The following SMARCA2 variants were observed in gnomAD, a reference collection of about 807,000 sequenced individuals.
SMARCA2 encodes the protein SWI/SNF-related matrix-associated actin-dependent regulator of chromatin subfamily A member 2.
A neutral mutation model predicts 199.8 loss-of-function variants in SMARCA2; 61 were observed. That is an observed-to-expected ratio of 0.31 (90% CI 0.25 to 0.38). SMARCA2 has a LOEUF of 0.38. SMARCA2 is among the 10% of genes least tolerant of loss of function. The probability of loss-of-function intolerance (pLI) is 1.00; values close to 1 mark genes in which losing one functional copy is unlikely to be tolerated. For synonymous variants in SMARCA2, 935 were observed against 732.0 expected (o/e 1.28, Z -4.48); for missense variants, 1,344 against 2,012.2 (o/e 0.67, Z 6.35).
intron 11 of SMARCA2, 38 bp downstream of exon 11, chr9:2,073,380 C>G (rs1386705528): frequency 6.2e-7 from 1 of 1,611,034 alleles, no homozygotes; most frequent in Middle Eastern, 1.7e-4. Flanking sequence ...GTTCTTTTAG[C>G]TTTTTAGATT....
Position 2,076,325 on chromosome 9 carries a change from A to G in SMARCA2, c.2032A>G (p.Ile678Val), listed in dbSNP as rs1043816045. 1.3e-6 allele frequency: 2 copies of G among 1,564,688 alleles called. No individual in the cohort carries two copies. The highest frequency in any genetic ancestry group is 1.8e-6 in the Non-Finnish European group (2 of 1,134,912). The change falls in exon 13 of 34, where the codon ATT becomes GTT. Residue 678 changes from isoleucine (I) to valine (V), a missense_variant. Around this residue, in one of 18 missense-constraint regions of SMARCA2, gnomAD observed 106 missense variants for 179.7 expected, o/e 0.59. Coordinates refer to ENST00000349721, the MANE Select transcript of SMARCA2 (RefSeq NM_003070.5). The part of the protein sequence containing the change: ...EVSEKDAKQI[I>V]ETAKQDVDDE... ...TTCTGAGAAGGATGCTAAGCAGATC[A>G]TTGAGTATGTACTGCATTTTTCCCT...
At position 2,123,615 on chromosome 9, in the gene SMARCA2, A is replaced by G. The variant is rs1328870219; in HGVS notation, c.3763-104A>G. 86 of 953,252 alleles carry G rather than the reference A, an allele frequency of 9.0e-5. 2 individuals are homozygous for G. The South Asian group carries it at 1.2e-3, about 13-fold the overall frequency. 59.0% of individuals were successfully genotyped at this position (953,252 alleles called of 1,614,324 possible). On this transcript the variant is annotated intron_variant, in intron 26 of 33. Coordinates refer to ENST00000349721, the MANE Select transcript of SMARCA2 (RefSeq NM_003070.5). This position sits in a 1 kb window ranked among gnomAD's most constrained non-coding sequence, Gnocchi z 4.1. ...ACCAGGATGAGAGAGGTTGAAAGGG[A>G]CCCTGCAGCCATAGGAAGTGACTTG...
intron 1 of SMARCA2, among the ~76,000 whole-genome samples, chr9:2,021,400 G>T (rs1818594870): frequency 6.6e-6 from 1 of 152,180 alleles, no homozygotes; most frequent in Non-Finnish European, 1.5e-5. Flanking sequence ...TTGGCTTACA[G>T]GTTATCCAAG....
chr9:2,124,491 A>C lies in SMARCA2; in HGVS notation c.3981+554A>C, dbSNP rs555696736. On this transcript the variant is annotated intron_variant, in intron 27 of 33. Coordinates refer to ENST00000349721, the MANE Select transcript of SMARCA2 (RefSeq NM_003070.5). The stretch of plus-strand genomic sequence containing the variant: ...CTTGCTTGGTTTGATGAAGAAACTG[A>C]GGCCCAGAGAGGTGACATGGCTATG... Among the ~76,000 whole-genome samples, 6 of 152,318 alleles carry C rather than the reference A, an allele frequency of 3.9e-5. No individual in the cohort carries two copies. In the South Asian group the frequency reaches 1.2e-3, roughly 32 times the overall value.
At chr9:2,135,328 A>C (rs1017880022) in intron 27 of SMARCA2, among the ~76,000 whole-genome samples, 1 of 152,162 alleles carries the variant, frequency 6.6e-6, no homozygotes, top group African/African-American at 2.4e-5. Context: ...TTCTTTACTC[A>C]GTATGTAGAT....
At chr9:2,050,566 A>G (rs1310860928) in intron 5 of SMARCA2, among the ~76,000 whole-genome samples, 1 of 152,138 alleles carries the variant, frequency 6.6e-6, no homozygotes, top group African/African-American at 2.4e-5. Flanking sequence ...AGACTTTAGT[A>G]TGAAAAGAGC....
At chr9:2,087,249 GA>G in intron 18 of SMARCA2, 178 bp downstream of exon 18, 1 of 693,586 alleles carries the variant, frequency 1.4e-6, no homozygotes, top group Non-Finnish European at 2.4e-6. Flanking sequence ...CCCCTCCTAG[GA>G]AAATGGATCT....
At chr9:2,059,114 T>C (rs967880939) in intron 8 of SMARCA2, among the ~76,000 whole-genome samples, 13 of 152,222 alleles carry the variant, frequency 8.5e-5, no homozygotes, top group Non-Finnish European at 1.9e-4. Context: ...TTTGTTTTTA[T>C]TGACCATTTA....
At chr9:2,118,331 T>C (rs373557862) in intron 25 of SMARCA2, among the ~76,000 whole-genome samples, 34 of 152,342 alleles carry the variant, frequency 2.2e-4, no homozygotes, top group African/African-American at 7.9e-4. Context: ...ATTATTATCT[T>C]GAATTGTAGA....
intron 28 of SMARCA2, among the ~76,000 whole-genome samples, chr9:2,163,508 T>C (rs1369432346): frequency 1.3e-5 from 2 of 152,214 alleles, no homozygotes; most frequent in Non-Finnish European, 2.9e-5. Flanking sequence ...GCTCCCCTTG[T>C]ATATTTGCCA....
At chr9:2,030,388 T>G (rs763731759) in intron 2 of SMARCA2, among the ~76,000 whole-genome samples, 2 of 151,844 alleles carry the variant, frequency 1.3e-5, no homozygotes. Flanking sequence ...GTTCCAGTGA[T>G]GTGAGAACCA....
At chr9:2,076,799 G>A (rs1469676165) in intron 13 of SMARCA2, among the ~76,000 whole-genome samples, 8 of 151,940 alleles carry the variant, frequency 5.3e-5, no homozygotes, top group Non-Finnish European at 1.0e-4. Context: ...ACCAACTCTC[G>A]CCCAGTCCCT....
chr9:2,045,470 C>T (rs1193759477), intron 4 of SMARCA2: 1 of 152,000 alleles, frequency 6.6e-6, no homozygotes, highest in African/African-American at 2.4e-5. Context: ...AAAACTTCCC[C>T]TGATAACTTA....
intron 18 of SMARCA2, 174 bp downstream of exon 18, chr9:2,087,245 C>T (rs1821841988): frequency 1.4e-6 from 1 of 716,022 alleles, no homozygotes. Context: ...TTTTCCCCTC[C>T]TAGGAAAATG....
At chr9:2,181,789 GAC>G in intron 30 of SMARCA2, 113 bp downstream of exon 30, 1 of 661,240 alleles carries the variant, frequency 1.5e-6, no homozygotes, top group Non-Finnish European at 2.7e-6. Flanking sequence ...CAGGGCTCGC[GAC>G]AGGAAAGGTT....
chr9:2,096,065 G>A (rs1051673549), intron 19 of SMARCA2, among the ~76,000 whole-genome samples: 1 of 152,186 alleles, frequency 6.6e-6, no homozygotes, highest in Non-Finnish European at 1.5e-5. Flanking sequence ...TGACCATAAA[G>A]TAGTGTCCAA....
At chr9:2,174,757 C>CA (rs1381884766) in intron 29 of SMARCA2, among the ~76,000 whole-genome samples, 1 of 151,304 alleles carries the variant, frequency 6.6e-6, no homozygotes, top group African/African-American at 2.4e-5. Flanking sequence ...CCTGTCTCTA[C>CA]AAAAATGCAA....
At chr9:2,138,534 T>C (rs964329184) in intron 27 of SMARCA2, among the ~76,000 whole-genome samples, 1 of 152,214 alleles carries the variant, frequency 6.6e-6, no homozygotes, top group African/African-American at 2.4e-5. Flanking sequence ...ATTTTAAATA[T>C]CATCCTCAAA....
At chr9:2,080,106 A>G (rs985813502) in intron 14 of SMARCA2, 8 of 152,326 alleles carry the variant, frequency 5.3e-5, no homozygotes, top group African/African-American at 1.9e-4. Context: ...ATCATTTCTC[A>G]TAAACCAGTT....
Sources: gnomAD v4.1 joint callset for allele counts (sites outside exome capture counted in the v4.1 genomes callset) on GRCh38, gnomAD v4.1.1 for gene constraint, gnomAD v4.1.1 regional missense constraint, Gnocchi (gnomAD v3.1) non-coding constraint, MANE v1.5 for transcripts, NCBI Gene and HGNC (gene_info 2026-07-23, HGNC 2026-07-21) for gene names.